Variants in TLN2 observed in about 807,000 individuals in gnomAD.
The protein encoded by TLN2 is talin-2.
A neutral mutation model predicts 294.7 loss-of-function variants in TLN2; 118 were observed. That is an observed-to-expected ratio of 0.40 (90% CI 0.34 to 0.47). TLN2 has a LOEUF of 0.47. Among genes scored for constraint, TLN2 ranks in the 20% least tolerant of loss-of-function variants. The pLI is 0.84. For synonymous variants in TLN2, 1,431 were observed against 1,304.5 expected (o/e 1.10, Z -2.09); for missense variants, 3,083 against 3,282.2 (o/e 0.94, Z 1.48).
chr15:62,740,903 G>A, intron 32 of TLN2, 134 bp downstream of exon 32: 2 of 1,083,070 alleles, frequency 1.8e-6, no homozygotes, highest in Non-Finnish European at 2.6e-6. Context: ...AGGTGGAGCT[G>A]AGAGTGATGG....
In TLN2 at chr15:62,810,548, G is replaced by A. The variant is rs527697784; in HGVS notation, c.6771+516G>A. Among the ~76,000 whole-genome samples, 160 of 152,202 alleles carry A rather than the reference G, an allele frequency of 1.1e-3. 2 individuals are homozygous for A. The highest frequency in any genetic ancestry group is 2.4e-3 in the African/African-American group (98 of 41,540). Reference sequence around the variant, plus strand: ...TCGAGAATGACTCCCCCAGCCTAGTGTGCCTAGTGTGGAGCTGGGTTAGGA... The same window carrying A: ...TCGAGAATGACTCCCCCAGCCTAGTATGCCTAGTGTGGAGCTGGGTTAGGA... On this transcript the variant is annotated intron_variant, in intron 52 of 58. Coordinates refer to ENST00000636159, the MANE Select transcript of TLN2 (RefSeq NM_015059.3).
At chr15:62,539,537 C>T (rs1453332517) in intron 1 of TLN2, among the ~76,000 whole-genome samples, 2 of 152,178 alleles carry the variant, frequency 1.3e-5, no homozygotes, top group Non-Finnish European at 2.9e-5. Flanking sequence ...TGATTAAAGT[C>T]AGCATCACTC....
intron 1 of TLN2, among the ~76,000 whole-genome samples, chr15:62,400,121 A>G (rs1299010391): frequency 6.6e-6 from 1 of 152,134 alleles, no homozygotes; most frequent in African/African-American, 2.4e-5. Flanking sequence ...ACGAGATCTG[A>G]TGGTTTTATG....
At position 62,623,911 on chromosome 15, in the gene TLN2, A is replaced by G. The variant is rs539913323; in HGVS notation, c.-37+5436A>G. Among the ~76,000 whole-genome samples the G allele has an allele frequency of 2.6e-5, 4 of 152,316 alleles. No individual in the cohort carries two copies. In the South Asian group the frequency reaches 8.3e-4, roughly 32 times the overall value. ...GATTGACCCATCAAACTCACTGCTG[A>G]TGTCACATCTGCCTTTAGTTGGTTT... On this transcript the variant is annotated intron_variant, in intron 3 of 58. Transcript: ENST00000636159.
At chr15:62,602,875 T>C (rs1030175262) in intron 2 of TLN2, among the ~76,000 whole-genome samples, 1 of 151,536 alleles carries the variant, frequency 6.6e-6, no homozygotes, top group Non-Finnish European at 1.5e-5. Flanking sequence ...GCTTTTTTTT[T>C]TTTTTTAAAT....
At chr15:62,713,674 G>A (rs183425537) in intron 22 of TLN2, among the ~76,000 whole-genome samples, 304 of 151,486 alleles carry the variant, frequency 2.0e-3, no homozygotes, top group Non-Finnish European at 2.5e-3. Flanking sequence ...GCAAGACTCT[G>A]TCTCAAAAAA....
chr15:62,607,484 G>A (rs575310386), intron 2 of TLN2, among the ~76,000 whole-genome samples: 6 of 152,324 alleles, frequency 3.9e-5, no homozygotes, highest in Admixed American at 2.0e-4. Context: ...GTGGATGACA[G>A]TAGTTGGGAG....
At chr15:62,495,386 A>T (rs999223732) in intron 1 of TLN2, among the ~76,000 whole-genome samples, 2 of 152,268 alleles carry the variant, frequency 1.3e-5, no homozygotes, top group African/African-American at 4.8e-5. Context: ...GCAGAACATG[A>T]CCCTGCCTGT....
intron 28 of TLN2, among the ~76,000 whole-genome samples, chr15:62,727,721 A>C (rs766400756): frequency 2.6e-5 from 4 of 152,366 alleles, no homozygotes; most frequent in Middle Eastern, 3.4e-3. Flanking sequence ...CAGATTGCAC[A>C]ATCATCAACT....
intron 1 of TLN2, among the ~76,000 whole-genome samples, chr15:62,463,681 C>T (rs2036943988): frequency 6.6e-6 from 1 of 152,096 alleles, no homozygotes; most frequent in South Asian, 2.1e-4. Context: ...GTCAGGAGAT[C>T]GAGACCATCC....
chr15:62,740,399 T>C, intron 31 of TLN2: 1 of 492,780 alleles, frequency 2.0e-6, no homozygotes, highest in East Asian at 3.5e-5. Context: ...GCTGACCCAC[T>C]TGGGGATGGA....
chr15:62,722,346 T>C lies in TLN2; in HGVS notation c.2992-7T>C, dbSNP rs747265624. The C allele has an allele frequency of 6.2e-7, 1 of 1,605,216 alleles. No homozygotes were observed. Among genetic ancestry groups the C allele is most frequent in the Non-Finnish European group, 8.5e-7 (1 of 1,173,600 alleles). ...AGCCATCTTACTTTCTTTTCATCTC[T>C]CTATAGCCTGGAAGCAAGATGGTGT... On this transcript the variant is annotated splice_polypyrimidine_tract_variant and splice_region_variant and intron_variant, in intron 25 of 58. Transcript: ENST00000636159.
chr15:62,430,241 A>G (rs1402031827), intron 1 of TLN2, among the ~76,000 whole-genome samples: 2 of 152,208 alleles, frequency 1.3e-5, no homozygotes, highest in African/African-American at 4.8e-5. Flanking sequence ...AGAACATACC[A>G]GTGTCTAGAA....
chr15:62,825,776 A>ATTATATAATATAT (rs1491419500), intron 54 of TLN2, among the ~76,000 whole-genome samples: 4 of 28,686 alleles, frequency 1.4e-4, no homozygotes, highest in African/African-American at 5.0e-4. Context: ...TATATTATAT[A>ATTATATAATATAT]ATATATTATA....
intron 1 of TLN2, among the ~76,000 whole-genome samples, chr15:62,464,279 T>G (rs1261261066): frequency 6.6e-6 from 1 of 152,182 alleles, no homozygotes. Flanking sequence ...TGCAGGGACA[T>G]GGATGAAGCT....
At chr15:62,737,408 G>C (rs1020152788) in intron 29 of TLN2, among the ~76,000 whole-genome samples, 4 of 152,214 alleles carry the variant, frequency 2.6e-5, no homozygotes, top group Admixed American at 2.6e-4. Context: ...CTATATTGCT[G>C]TTCCTTGCCA....
At position 62,842,643 on chromosome 15, in the gene TLN2, C is replaced by T. The variant is rs78900608; in HGVS notation, c.*2033C>T. 1 of 152,106 alleles carries T rather than the reference C, an allele frequency of 6.6e-6. No individual in the cohort carries two copies. The highest frequency in any genetic ancestry group is 2.4e-5 in the African/African-American group (1 of 41,374). 9.4% of individuals were successfully genotyped at this position (152,106 alleles called of 1,614,324 possible). On this transcript the variant is annotated 3_prime_UTR_variant, in exon 59 of 59. Coordinates refer to ENST00000636159, the MANE Select transcript of TLN2 (RefSeq NM_015059.3). ...CAGGACCAAGGCAGGGGCAGGCAGC[C>T]AGTTCTTCCACCTTGCCTCAGAGTC...
intron 16 of TLN2, among the ~76,000 whole-genome samples, chr15:62,699,471 G>A (rs957171639): frequency 9.9e-5 from 15 of 152,060 alleles, no homozygotes; most frequent in Admixed American, 2.0e-4. Context: ...CATGCCTGGG[G>A]ACTGTGCTTT....
chr15:62,586,716 C>T (rs528608914), intron 1 of TLN2, among the ~76,000 whole-genome samples: 7 of 152,216 alleles, frequency 4.6e-5, no homozygotes, highest in South Asian at 2.1e-4. Context: ...GTATTTTAAC[C>T]ACAAGAAATG....
Sources: allele counts gnomAD v4.1 joint callset (sites outside exome capture counted in the v4.1 genomes callset), GRCh38; gene constraint gnomAD v4.1.1; transcripts MANE v1.5; gene names NCBI Gene and HGNC (gene_info 2026-07-23, HGNC 2026-07-21).